LSAMP: variants seen among roughly 807,000 people sequenced by gnomAD.
LSAMP encodes the protein limbic system associated membrane protein.
In LSAMP, 7 loss-of-function variants were observed where a neutral mutation model predicts 38.6. The observed-to-expected ratio is 0.18, with a 90% CI of 0.10 to 0.34. The LOEUF is 0.34. Among genes scored for constraint, LSAMP ranks in the 10% least tolerant of loss-of-function variants. LSAMP has a pLI of 1.00. For synonymous variants in LSAMP, 154 were observed against 166.8 expected (o/e 0.92, Z 0.59); for missense variants, 313 against 420.0 (o/e 0.75, Z 2.23).
At chr3:116,384,811 C>T (rs2048604651) in intron 1 of LSAMP, among the ~76,000 whole-genome samples, 1 of 152,116 alleles carries the variant, frequency 6.6e-6, no homozygotes. Context: ...GTACAATTTT[C>T]TCACACTATT....
chr3:116,247,182 G>A (rs10934325), intron 1 of LSAMP, among the ~76,000 whole-genome samples: 150,056 of 152,296 alleles, frequency 0.99, 73,974 homozygotes, highest in Middle Eastern at 1. Context: ...TGGGAGAATT[G>A]TAAGTCTGGG....
At chr3:115,918,082 C>T (rs1460694415) in intron 3 of LSAMP, among the ~76,000 whole-genome samples, 1 of 152,134 alleles carries the variant, frequency 6.6e-6, no homozygotes, top group East Asian at 1.9e-4. Context: ...ACATTTTTAT[C>T]TACTGACCTC....
At chr3:115,811,563 AGTGT>A (rs72037804) in intron 6 of LSAMP, among the ~76,000 whole-genome samples, 12,138 of 150,238 alleles carry the variant, frequency 0.081, 584 homozygotes, top group African/African-American at 0.13. Context: ...ATTATGTGTG[AGTGT>A]GTGTGTGTGT....
intron 1 of LSAMP, among the ~76,000 whole-genome samples, chr3:116,409,596 A>G (rs933518848): frequency 5.9e-5 from 9 of 152,038 alleles, no homozygotes; most frequent in Admixed American, 3.9e-4. Context: ...CGTAATGCTG[A>G]TGACATTGGC....
At chr3:115,836,928 A>G (rs1340190297) in intron 6 of LSAMP, among the ~76,000 whole-genome samples, 2 of 152,094 alleles carry the variant, frequency 1.3e-5, no homozygotes, top group Non-Finnish European at 2.9e-5. Context: ...CCATGGGTGC[A>G]CGCCACCATA....
intron 1 of LSAMP, among the ~76,000 whole-genome samples, chr3:116,267,748 G>GAGAC (rs759005379): frequency 1.2e-4 from 19 of 152,104 alleles, no homozygotes; most frequent in Non-Finnish European, 2.4e-4. Context: ...GCCTGCAGCA[G>GAGAC]AGACTGACAG....
chr3:115,816,548 C>A, intron 6 of LSAMP: 1 of 952,460 alleles, frequency 1.0e-6, no homozygotes, highest in Non-Finnish European at 1.4e-6. Flanking sequence ...GTATATAAGA[C>A]AACAATATAT....
intron 1 of LSAMP, among the ~76,000 whole-genome samples, chr3:116,133,151 CA>C (rs1418885584): frequency 3.9e-5 from 6 of 152,132 alleles, no homozygotes; most frequent in African/African-American, 1.4e-4. Context: ...ATAGGCAGGA[CA>C]AAAGATAAAT....
chr3:115,896,388 A>G (rs931911467), intron 3 of LSAMP, among the ~76,000 whole-genome samples: 1 of 152,080 alleles, frequency 6.6e-6, no homozygotes, highest in Non-Finnish European at 1.5e-5. Flanking sequence ...AGGTAGGTGT[A>G]GTTATAAGGT....
At chr3:116,119,591 A>G (rs1708829198) in intron 1 of LSAMP, among the ~76,000 whole-genome samples, 1 of 152,146 alleles carries the variant, frequency 6.6e-6, no homozygotes, top group Non-Finnish European at 1.5e-5. Flanking sequence ...CTGGACATTC[A>G]GCACAAAAAT....
chr3:116,315,000 T>C (rs1439575905), intron 1 of LSAMP, among the ~76,000 whole-genome samples: 1 of 152,186 alleles, frequency 6.6e-6, no homozygotes, highest in African/African-American at 2.4e-5. Context: ...AGAATGTCCC[T>C]TCAGTTTGGC....
intron 3 of LSAMP, among the ~76,000 whole-genome samples, chr3:115,958,941 G>A (rs1938541608): frequency 6.6e-6 from 1 of 152,086 alleles, no homozygotes; most frequent in Non-Finnish European, 1.5e-5. Flanking sequence ...CATAGGCTAT[G>A]GTAAAAAATA....
At chr3:116,061,297 C>G (rs1274065317) in intron 2 of LSAMP, among the ~76,000 whole-genome samples, 1 of 152,154 alleles carries the variant, frequency 6.6e-6, no homozygotes, top group Non-Finnish European at 1.5e-5. Flanking sequence ...GAGAACTGTC[C>G]ATAATTCACT....
chr3:115,989,981 T>C (rs1019545419), intron 3 of LSAMP, among the ~76,000 whole-genome samples: 1 of 152,050 alleles, frequency 6.6e-6, no homozygotes, highest in Non-Finnish European at 1.5e-5. Flanking sequence ...TATAAGTGGA[T>C]AGATTGTTGC....
In LSAMP at chr3:115,918,212, G is replaced by A. The variant is rs532627733; in HGVS notation, c.515-65595C>T. ...CTATTAGTAGCTTCTTACGTAGGGA[G>A]ATTACTAGCACATATCTAGGATAAG... On this transcript the variant is annotated intron_variant, in intron 3 of 6. Transcript: ENST00000490035. Among the ~76,000 whole-genome samples the A allele has an allele frequency of 3.9e-4, 60 of 152,266 alleles. 1 individual carries two copies. Among genetic ancestry groups the A allele is most frequent in the Admixed American group, 3.3e-3 (51 of 15,284 alleles).
At chr3:115,939,131 G>T (rs1439998950) in intron 3 of LSAMP, among the ~76,000 whole-genome samples, 1 of 152,118 alleles carries the variant, frequency 6.6e-6, no homozygotes, top group Non-Finnish European at 1.5e-5. Context: ...TTAGTTTATT[G>T]TATATGAGTA....
rs560636914 is a variant in LSAMP at position 116,298,781 on chromosome 3, G to A, written c.155+146096C>T. The stretch of plus-strand genomic sequence containing the variant: ...GCACTTACAATTTTTGAATTCACAC[G>A]AGCCTATCTAGAGATACTGGTTTAT... On this transcript the variant is annotated intron_variant, in intron 1 of 6. Coordinates refer to ENST00000490035, the MANE Select transcript of LSAMP (RefSeq NM_002338.5). Among the ~76,000 whole-genome samples, 8 of 152,124 alleles carry A rather than the reference G, an allele frequency of 5.3e-5. No homozygotes were observed. The South Asian group carries it at 1.2e-3, about 24-fold the overall frequency.
At position 116,200,093 on chromosome 3, in the gene LSAMP, T is replaced by TACACAC. The variant is rs36216707; in HGVS notation, c.156-113543_156-113538dup. Among the ~76,000 whole-genome samples the TACACAC allele has an allele frequency of 6.5e-4, 97 of 149,366 alleles. 1 individual carries two copies. The highest frequency in any genetic ancestry group is 1.1e-3 in the African/African-American group (43 of 40,534). ...GTTTTACTGTTTTTCAGTCTTACTTTACACACACACACACACACACACACA... is the reference window on the plus strand; with the variant it reads ...GTTTTACTGTTTTTCAGTCTTACTTTACACACACACACACACACACACACACACACA... On this transcript the variant is annotated intron_variant, in intron 1 of 6. Coordinates refer to ENST00000490035, the MANE Select transcript of LSAMP (RefSeq NM_002338.5).
At chr3:116,120,549 T>C (rs1361077978) in intron 1 of LSAMP, among the ~76,000 whole-genome samples, 4 of 152,168 alleles carry the variant, frequency 2.6e-5, no homozygotes, top group Admixed American at 6.5e-5. Context: ...TATTTTTTAC[T>C]TGCAGTAGAA....
Sources: gnomAD v4.1 joint callset for allele counts (sites outside exome capture counted in the v4.1 genomes callset) on GRCh38, gnomAD v4.1.1 for gene constraint, MANE v1.5 for transcripts, NCBI Gene and HGNC (gene_info 2026-07-23, HGNC 2026-07-21) for gene names.